UNC13C: variants seen among roughly 807,000 people sequenced by gnomAD.
UNC13C encodes the protein unc-13 homolog C.
UNC13C carries 174 observed loss-of-function variants against 245.4 expected under a neutral mutation model. The observed-to-expected ratio is 0.71, with a 90% confidence interval of 0.63 to 0.80. The LOEUF (loss-of-function observed/expected upper bound fraction) is 0.80. Among genes scored for constraint, UNC13C ranks in the 30% least tolerant of loss-of-function variants. UNC13C has a pLI of 0.00. For missense variants in UNC13C, 2,829 were observed against 2,602.9 expected (o/e 1.09, Z -1.89); for synonymous variants, 992 against 895.1 (o/e 1.11, Z -1.93).
intron 4 of UNC13C, among the ~76,000 whole-genome samples, chr15:54,224,546 A>G (rs1346460078): frequency 2.6e-5 from 4 of 152,098 alleles, no homozygotes. Flanking sequence ...TATTTTGTTA[A>G]GGATATTTGC....
At chr15:54,388,965 C>T (rs2039895967) in intron 17 of UNC13C, among the ~76,000 whole-genome samples, 1 of 152,088 alleles carries the variant, frequency 6.6e-6, no homozygotes, top group South Asian at 2.1e-4. Context: ...CTTATTAACT[C>T]TTTAAGTTAA....
intron 22 of UNC13C, among the ~76,000 whole-genome samples, chr15:54,502,718 A>G (rs989924613): frequency 9.2e-5 from 14 of 152,136 alleles, no homozygotes; most frequent in African/African-American, 3.4e-4. Context: ...GAGAATTTAA[A>G]AATCTCAGGG....
the UNC13C span, among the ~76,000 whole-genome samples, chr15:53,871,080 C>T: frequency 6.6e-6 from 1 of 152,210 alleles, no homozygotes; most frequent in African/African-American, 2.4e-5. Context: ...ACCTGCCCCA[C>T]TCCCCCAAAT....
chr15:54,589,246 T>A (rs543298425), intron 30 of UNC13C, among the ~76,000 whole-genome samples: 5 of 151,578 alleles, frequency 3.3e-5, no homozygotes, highest in Non-Finnish European at 7.4e-5. Context: ...TGTTGAGCAT[T>A]TTGTCATATG....
the UNC13C span, among the ~76,000 whole-genome samples, chr15:53,839,308 G>A: frequency 6.6e-6 from 1 of 151,982 alleles, no homozygotes; most frequent in East Asian, 1.9e-4. Context: ...CAGGATGAAA[G>A]GGCAACTTCT....
chr15:54,327,642 A>G (rs2038332469), intron 14 of UNC13C, among the ~76,000 whole-genome samples: 1 of 152,092 alleles, frequency 6.6e-6, no homozygotes, highest in Non-Finnish European at 1.5e-5. Context: ...ACTCCACTGA[A>G]ATGAAAGGCA....
At chr15:54,048,865 G>T (rs751982018) in intron 2 of UNC13C, 4 of 247,250 alleles carry the variant, frequency 1.6e-5, no homozygotes, top group Non-Finnish European at 2.4e-5. Context: ...TCCCTTTCAC[G>T]TAATGTTTTA....
chr15:54,122,378 T>G (rs2030729793), intron 2 of UNC13C, among the ~76,000 whole-genome samples: 1 of 152,106 alleles, frequency 6.6e-6, no homozygotes, highest in Non-Finnish European at 1.5e-5. Flanking sequence ...TTTAATTTTA[T>G]TAAAAATAGT....
chr15:53,875,526 T>C, the UNC13C span, among the ~76,000 whole-genome samples: 1 of 151,858 alleles, frequency 6.6e-6, no homozygotes, highest in Non-Finnish European at 1.5e-5. Context: ...AGATCAGGGG[T>C]GAAGATTTTC....
chr15:54,004,347 C>A (rs1895043035), intron 1 of UNC13C, among the ~76,000 whole-genome samples: 2 of 152,178 alleles, frequency 1.3e-5, no homozygotes, highest in Admixed American at 1.3e-4. Flanking sequence ...TCTCATTATT[C>A]TTTTTACGGC....
At chr15:54,478,829 G>T (rs1027814639) in intron 19 of UNC13C, among the ~76,000 whole-genome samples, 4 of 151,882 alleles carry the variant, frequency 2.6e-5, no homozygotes, top group African/African-American at 9.7e-5. Context: ...TATTAGGTCC[G>T]CTTGGTGCAG....
chr15:54,482,184 T>A (rs556149084), intron 19 of UNC13C, among the ~76,000 whole-genome samples: 1 of 152,248 alleles, frequency 6.6e-6, no homozygotes, highest in East Asian at 1.9e-4. Flanking sequence ...GCTAGTGTCA[T>A]GATACTGCAG....
rs1242426702 is a variant in UNC13C at position 54,623,883 on chromosome 15, CAAG to C, written c.6293_6295del (p.Lys2098del). 2 of 1,612,988 alleles carry C rather than the reference CAAG, an allele frequency of 1.2e-6. No homozygotes were observed. The highest frequency in any genetic ancestry group is 1.7e-6 in the Non-Finnish European group (2 of 1,179,484). On this transcript the variant is annotated inframe_deletion, in exon 32 of 33. Coordinates refer to ENST00000260323, the MANE Select transcript of UNC13C (RefSeq NM_001080534.3). Reference sequence around the variant, plus strand: ...GTATACTGGGACCCAACCTTGGAGACAAGAAGAGAAAACAAGGCACAAAAACAA... The same window carrying C: ...GTATACTGGGACCCAACCTTGGAGACAAGAGAAAACAAGGCACAAAAACAA...
intron 24 of UNC13C, among the ~76,000 whole-genome samples, chr15:54,514,394 G>C (rs758053860): frequency 3.3e-5 from 5 of 152,152 alleles, no homozygotes; most frequent in Non-Finnish European, 7.3e-5. Context: ...CAATTCCACT[G>C]TAAATAAGGG....
chr15:54,513,120 G>C (rs1358517825), intron 24 of UNC13C, among the ~76,000 whole-genome samples: 1 of 152,108 alleles, frequency 6.6e-6, no homozygotes, highest in Admixed American at 6.6e-5. Context: ...AAATTATTCT[G>C]CTGAATTAGG....
chr15:54,504,065 G>A (rs1164852086), intron 22 of UNC13C, among the ~76,000 whole-genome samples: 3 of 152,142 alleles, frequency 2.0e-5, no homozygotes, highest in Non-Finnish European at 4.4e-5. Context: ...CAGAAGCTAT[G>A]ATGAGTGATA....
chr15:54,632,556 A>G (rs1200030086), downstream of UNC13C: 2 of 152,214 alleles, frequency 1.3e-5, no homozygotes, highest in African/African-American at 2.4e-5. Flanking sequence ...TTAAATTACA[A>G]TTGAGTAATT....
At chr15:54,509,712 T>A (rs1894650048) in intron 23 of UNC13C, among the ~76,000 whole-genome samples, 3 of 152,196 alleles carry the variant, frequency 2.0e-5, no homozygotes, top group Admixed American at 1.3e-4. Flanking sequence ...GAAGTTGTTC[T>A]TTTTTTCATT....
rs11855187 is a variant in UNC13C at position 54,627,341 on chromosome 15, C to T, written c.*228C>T. On this transcript the variant is annotated 3_prime_UTR_variant, in exon 33 of 33. Coordinates refer to ENST00000260323, the MANE Select transcript of UNC13C (RefSeq NM_001080534.3). ...ATGATGTAAAGTGAAATATCAAGAA[C>T]ACCTTTTAACATGTTTATTTTGTTT... 0.083 allele frequency: 31,894 copies of T among 382,200 alleles called. 1,682 individuals are homozygous for T. The highest frequency in any genetic ancestry group is 0.11 in the Non-Finnish European group (23,990 of 213,240). 23.7% of individuals were successfully genotyped at this position (382,200 alleles called of 1,614,324 possible). A position where few individuals can be genotyped will look rare whatever the true frequency, so the allele number is the denominator to read the frequency against.
Sources: allele counts gnomAD v4.1 joint callset (sites outside exome capture counted in the v4.1 genomes callset), GRCh38; gene constraint gnomAD v4.1.1; transcripts MANE v1.5; gene names NCBI Gene and HGNC (gene_info 2026-07-23, HGNC 2026-07-21).